RADIL: variants seen among roughly 807,000 people sequenced by gnomAD.
RADIL encodes Rap associating with DIL domain, also known as ras-associating and dilute domain-containing protein.
RADIL carries 99 observed loss-of-function variants against 97.6 expected under a neutral mutation model. The ratio of observed to expected loss-of-function variants is 1.01; its 90% CI spans 0.86 to 1.20. The LOEUF (loss-of-function observed/expected upper bound fraction) is 1.20, where lower values mean the gene tolerates loss of function less well. Ranked by LOEUF, RADIL falls within the 50% of genes most tolerant of loss-of-function variation. The pLI is 0.00. For missense variants in RADIL, 1,765 were observed against 1,498.9 expected, an observed-to-expected ratio of 1.18 and a Z score of -2.93; for synonymous variants, 803 against 691.8, an observed-to-expected ratio of 1.16 and a Z score of -2.52.
chr7:4,799,541 G>A, intron 14 of RADIL, 58 bp from the exon 15 acceptor site: 1 of 1,612,594 alleles, frequency 6.2e-7, no homozygotes, highest in South Asian at 1.1e-5. Flanking sequence ...GACCCACAGG[G>A]TGCAGCCGGG....
chr7:4,808,916 C>A (rs1184755386), intron 9 of RADIL: 4 of 905,534 alleles, frequency 4.4e-6, no homozygotes, highest in South Asian at 5.5e-5. Flanking sequence ...ACTGCCCCCC[C>A]ACGTCTCCTT....
intron 9 of RADIL, among the ~76,000 whole-genome samples, chr7:4,811,482 T>TC (rs148450367): frequency 1.1e-5 from 1 of 93,348 alleles, no homozygotes; most frequent in Non-Finnish European, 1.9e-5. Context: ...ATTATTTCTT[T>TC]TTTTTTTTTT....
At position 4,840,381 on chromosome 7, in the gene RADIL, G is replaced by A. The variant is rs896445548; in HGVS notation, c.536-3776C>T. 1.3e-5 allele frequency among the ~76,000 whole-genome samples: 2 copies of A among 152,174 alleles called. No homozygotes were observed. Among genetic ancestry groups the A allele is most frequent in the Admixed American group, 6.5e-5 (1 of 15,270 alleles). On this transcript the variant is annotated intron_variant, in intron 2 of 14. Coordinates refer to ENST00000399583, the MANE Select transcript of RADIL (RefSeq NM_018059.5). The surrounding 1 kb of genome is among the most constrained non-coding windows in gnomAD (Gnocchi z 5.6). Reference sequence around the variant, plus strand: ...TTGGCCTTTGGGTGGAGGGAGACAGGAGCCGAGGCACGTGGAGAGCATCCC... The same window carrying A: ...TTGGCCTTTGGGTGGAGGGAGACAGAAGCCGAGGCACGTGGAGAGCATCCC...
intron 5 of RADIL, among the ~76,000 whole-genome samples, chr7:4,829,681 C>A (rs768068438): frequency 2.0e-5 from 3 of 152,046 alleles, no homozygotes; most frequent in Non-Finnish European, 2.9e-5. Flanking sequence ...GGGGGCGGGT[C>A]TTTGCCATGC....
intron 9 of RADIL, among the ~76,000 whole-genome samples, chr7:4,812,517 G>T (rs760719930): frequency 1.1e-4 from 17 of 151,878 alleles, no homozygotes; most frequent in African/African-American, 4.1e-4. Context: ...TGCCCCCCAG[G>T]TTCAAGGGAT....
chr7:4,845,743 T>A (rs1783550723), intron 2 of RADIL, among the ~76,000 whole-genome samples: 1 of 152,188 alleles, frequency 6.6e-6, no homozygotes, highest in Admixed American at 6.5e-5. Flanking sequence ...AGAGTCTTAC[T>A]CAGGGAACAA....
chr7:4,804,833 T>C (rs550864669), intron 10 of RADIL, among the ~76,000 whole-genome samples: 2 of 150,030 alleles, frequency 1.3e-5, no homozygotes, highest in African/African-American at 2.5e-5. Flanking sequence ...CGGTGGCTCA[T>C]GTCTGTAATC....
In RADIL at chr7:4,837,349, G is replaced by C. The variant is rs936202042; in HGVS notation, c.536-744C>G. 6.6e-6 allele frequency among the ~76,000 whole-genome samples: 1 copy of C among 152,178 alleles called. No individual in the cohort carries two copies. Among genetic ancestry groups the C allele is most frequent in the Non-Finnish European group, 1.5e-5 (1 of 68,038 alleles). On this transcript the variant is annotated intron_variant, in intron 2 of 14. Coordinates refer to ENST00000399583, the MANE Select transcript of RADIL (RefSeq NM_018059.5). This position sits in a 1 kb window ranked among gnomAD's most constrained non-coding sequence, Gnocchi z 5.6. ...TGCCCCATCCATCTGTGCACCAGGC[G>C]AAACTCCCCTGGGGGTGGTGCTCTG...
rs1163570647 is a variant in RADIL, at chr7:4,873,162, A to G, written c.535+4443T>C. Among the ~76,000 whole-genome samples the G allele has an allele frequency of 6.6e-6, 1 of 152,228 alleles. No homozygotes were observed. Among genetic ancestry groups the G allele is most frequent in the Admixed American group, 6.5e-5 (1 of 15,282 alleles). ...TGGTCAGACTGGTCTTGAACTCCTG[A>G]CTTCAATTGATCTGCCTGCCTCGGC... On this transcript the variant is annotated intron_variant, in intron 2 of 14. Transcript: ENST00000399583. This position sits in a 1 kb window ranked among gnomAD's most constrained non-coding sequence, Gnocchi z 4.3.
In RADIL at chr7:4,803,719, T is replaced by C; in HGVS notation, c.2326A>G (p.Ile776Val). Reference sequence around the variant, plus strand: ...TGGAAGCCGTCGCTGGGCAGGACGATGGGTGGGGGGTTTTCGTAGGACTCC... The same window carrying C: ...TGGAAGCCGTCGCTGGGCAGGACGACGGGTGGGGGGTTTTCGTAGGACTCC... ...VLESYENPPPIVLPSDGFQVD... is the reference protein window; with the variant it reads ...VLESYENPPPVVLPSDGFQVD... The change falls in exon 11 of 15, where the codon ATC becomes GTC. Residue 776 changes from isoleucine to valine, a missense_variant. Ile to Val is a conservative substitution (Grantham distance 29, BLOSUM62 3). Transcript: ENST00000399583. 1.9e-6 allele frequency: 3 copies of C among 1,567,782 alleles called. No homozygotes were observed. Among genetic ancestry groups the C allele is most frequent in the Middle Eastern group, 1.7e-4 (1 of 5,996 alleles).
At chr7:4,850,033 T>C (rs569019173) in intron 2 of RADIL, among the ~76,000 whole-genome samples, 1 of 152,076 alleles carries the variant, frequency 6.6e-6, no homozygotes, top group South Asian at 2.1e-4. Flanking sequence ...ATAGAGTGTT[T>C]CGTCTACACC....
At chr7:4,830,489 T>G (rs1463469038) in intron 5 of RADIL, among the ~76,000 whole-genome samples, 2 of 152,168 alleles carry the variant, frequency 1.3e-5, no homozygotes, top group African/African-American at 2.4e-5. Context: ...ACCCAGGAGC[T>G]GCGCCTTTCC....
rs565710597 is a variant in RADIL, at chr7:4,834,005, G to C, written c.1416+602C>G. Among the ~76,000 whole-genome samples, 2 of 152,130 alleles carry C rather than the reference G, an allele frequency of 1.3e-5. No homozygotes were observed. The highest frequency in any genetic ancestry group is 2.9e-5 in the Non-Finnish European group (2 of 68,004). Reference sequence around the variant, plus strand: ...CTGCTGAATCCTCTGCAATGCACAGGCCAGCCTCACAGCAAGGAGCTCTCC... The same window carrying C: ...CTGCTGAATCCTCTGCAATGCACAGCCCAGCCTCACAGCAAGGAGCTCTCC... On this transcript the variant is annotated intron_variant, in intron 4 of 14. Coordinates refer to ENST00000399583, the MANE Select transcript of RADIL (RefSeq NM_018059.5). The surrounding 1 kb of genome is among the most constrained non-coding windows in gnomAD (Gnocchi z 6.0).
At chr7:4,802,305 C>T (rs1376794791) in intron 11 of RADIL, among the ~76,000 whole-genome samples, 1 of 149,402 alleles carries the variant, frequency 6.7e-6, no homozygotes, top group Non-Finnish European at 1.5e-5. Flanking sequence ...GGCCCCCTCC[C>T]CAGGTACCTC....
chr7:4,852,700 A>G (rs1418800233), intron 2 of RADIL, among the ~76,000 whole-genome samples: 1 of 152,044 alleles, frequency 6.6e-6, no homozygotes, highest in Non-Finnish European at 1.5e-5. Flanking sequence ...GTGCCACCAC[A>G]CCCTGATAAT....
chr7:4,815,775 C>T lies in RADIL; in HGVS notation c.1967-325G>A, dbSNP rs141529473. Among the ~76,000 whole-genome samples the T allele has an allele frequency of 3.3e-5, 5 of 152,268 alleles. No homozygotes were observed. The highest frequency in any genetic ancestry group is 1.9e-4 in the East Asian group (1 of 5,152). ...GCCTGCCCCCACCTGGGTCTCCCCA[C>T]GCCCCACAGTGGCCCTGGCTGGGAG... On this transcript the variant is annotated intron_variant, in intron 8 of 14. Transcript: ENST00000399583. This position sits in a 1 kb window ranked among gnomAD's most constrained non-coding sequence, Gnocchi z 8.0.
At chr7:4,861,873 G>A (rs994897053) in intron 2 of RADIL, 33 of 531,042 alleles carry the variant, frequency 6.2e-5, no homozygotes, top group Middle Eastern at 7.7e-4. Context: ...GCCGCCGCCC[G>A]GGTCATGATC....
chr7:4,858,529 T>G (rs1478358822), intron 2 of RADIL: 1 of 152,582 alleles, frequency 6.6e-6, no homozygotes, highest in Non-Finnish European at 1.5e-5. Context: ...CATGTAAAAT[T>G]TAGAGATGAA....
At chr7:4,839,894 G>A (rs1174544542) in intron 2 of RADIL, among the ~76,000 whole-genome samples, 3 of 152,014 alleles carry the variant, frequency 2.0e-5, no homozygotes, top group Non-Finnish European at 4.4e-5. Flanking sequence ...TTACAGGCAC[G>A]TGCCACCATG....
Sources: gnomAD v4.1 joint callset for allele counts (sites outside exome capture counted in the v4.1 genomes callset) on GRCh38, gnomAD v4.1.1 for gene constraint, Gnocchi (gnomAD v3.1) non-coding constraint, MANE v1.5 for transcripts, NCBI Gene and HGNC (gene_info 2026-07-23, HGNC 2026-07-21) for gene names.